Variants in SRPK2 observed in about 807,000 individuals in gnomAD.
SRPK2 encodes SRSF protein kinase 2.
Under a neutral mutation model 90.8 loss-of-function variants are expected in SRPK2, and 21 were observed. The observed-to-expected ratio is 0.23, with a 90% confidence interval of 0.16 to 0.33. The LOEUF (loss-of-function observed/expected upper bound fraction) is 0.33, where lower values mean the gene tolerates loss of function less well. Ranked by LOEUF, SRPK2 falls within the 10% of genes least tolerant of loss-of-function variation. The pLI is 1.00. For synonymous variants in SRPK2, 288 were observed against 311.1 expected, an observed-to-expected ratio of 0.93 and a Z score of 0.78; for missense variants, 620 against 869.0, an observed-to-expected ratio of 0.71 and a Z score of 3.60.
upstream of SRPK2, among the ~76,000 whole-genome samples, chr7:105,393,412 G>A (rs908575530): frequency 9.3e-5 from 14 of 150,574 alleles, no homozygotes; most frequent in South Asian, 2.1e-4. Context: ...GATTAAAGGC[G>A]TGCACCACCG....
At chr7:105,169,065 C>A in intron 4 of SRPK2, 92 bp downstream of exon 4, 2 of 1,109,918 alleles carry the variant, frequency 1.8e-6, no homozygotes, top group Non-Finnish European at 2.7e-6. Flanking sequence ...CATACCTCAA[C>A]AAAGCAGTGG....
At chr7:105,310,760 A>G (rs1811616538) in intron 2 of SRPK2, among the ~76,000 whole-genome samples, 1 of 152,144 alleles carries the variant, frequency 6.6e-6, no homozygotes, top group South Asian at 2.1e-4. Context: ...GAACTCTCCA[A>G]TGACATTCTT....
At chr7:105,214,600 G>A (rs1211427726) in intron 2 of SRPK2, among the ~76,000 whole-genome samples, 1 of 152,142 alleles carries the variant, frequency 6.6e-6, no homozygotes, top group Non-Finnish European at 1.5e-5. Flanking sequence ...GGATGAGGCA[G>A]AAGAAACAAT....
chr7:105,350,285 C>T (rs1033638472), intron 2 of SRPK2, among the ~76,000 whole-genome samples: 1 of 150,716 alleles, frequency 6.6e-6, no homozygotes, highest in Non-Finnish European at 1.5e-5. Flanking sequence ...GCACATGCCA[C>T]CAAGCCTGGC....
chr7:105,237,266 A>C (rs142025857), intron 2 of SRPK2, among the ~76,000 whole-genome samples: 1 of 152,342 alleles, frequency 6.6e-6, no homozygotes, highest in African/African-American at 2.4e-5. Context: ...CAGAATAGAA[A>C]ATCTAACCAT....
At chr7:105,207,528 T>C (rs993482067) in intron 2 of SRPK2, among the ~76,000 whole-genome samples, 7 of 152,208 alleles carry the variant, frequency 4.6e-5, no homozygotes, top group African/African-American at 1.7e-4. Flanking sequence ...GCAATGGCAG[T>C]GGAAATGACC....
At chr7:105,247,562 AG>A (rs1173045550) in intron 2 of SRPK2, among the ~76,000 whole-genome samples, 1 of 150,786 alleles carries the variant, frequency 6.6e-6, no homozygotes, top group African/African-American at 2.4e-5. Flanking sequence ...ACACACACAC[AG>A]AAGTTATACC....
At chr7:105,312,794 GATAT>G (rs1811864159) in intron 2 of SRPK2, among the ~76,000 whole-genome samples, 1 of 152,150 alleles carries the variant, frequency 6.6e-6, no homozygotes, top group South Asian at 2.1e-4. Context: ...ACAAACAGTT[GATAT>G]GGGAATATTT....
chr7:105,290,174 C>T (rs1245375883), intron 2 of SRPK2, among the ~76,000 whole-genome samples: 1 of 142,036 alleles, frequency 7.0e-6, no homozygotes, highest in Non-Finnish European at 1.5e-5. Flanking sequence ...AATTACCAAA[C>T]TAACACAGAG....
intron 3 of SRPK2, among the ~76,000 whole-genome samples, chr7:105,198,362 G>A (rs1242529039): frequency 6.6e-6 from 1 of 152,072 alleles, no homozygotes; most frequent in Non-Finnish European, 1.5e-5. Flanking sequence ...TCAAACTCAT[G>A]AAACAAGCAT....
At chr7:105,267,626 A>G (rs1307076036) in intron 2 of SRPK2, among the ~76,000 whole-genome samples, 1 of 152,200 alleles carries the variant, frequency 6.6e-6, no homozygotes, top group Non-Finnish European at 1.5e-5. Flanking sequence ...TTTATTTGTG[A>G]TGCCCTAAGT....
At chr7:105,348,957 C>G (rs1346336903) in intron 2 of SRPK2, among the ~76,000 whole-genome samples, 1 of 150,660 alleles carries the variant, frequency 6.6e-6, no homozygotes, top group Non-Finnish European at 1.5e-5. Flanking sequence ...ACCAGCCTGG[C>G]CAACATGGTG....
At chr7:105,306,607 T>C (rs894025828) in intron 2 of SRPK2, 4 of 413,588 alleles carry the variant, frequency 9.7e-6, no homozygotes. Context: ...AGAAAAAACA[T>C]GTTGGCTAAC....
chr7:105,266,220 C>G (rs185733238), intron 2 of SRPK2, among the ~76,000 whole-genome samples: 1 of 151,776 alleles, frequency 6.6e-6, no homozygotes, highest in East Asian at 1.9e-4. Flanking sequence ...GTGAAGGACT[C>G]TTAAGATTCT....
At chr7:105,166,405 G>C (rs1015708826) in intron 6 of SRPK2, among the ~76,000 whole-genome samples, 1 of 152,164 alleles carries the variant, frequency 6.6e-6, no homozygotes, top group African/African-American at 2.4e-5. Flanking sequence ...TGTCTTTGGT[G>C]AGTTTTAAGG....
chr7:105,229,229 C>T (rs1025200418), intron 2 of SRPK2, among the ~76,000 whole-genome samples: 1 of 152,106 alleles, frequency 6.6e-6, no homozygotes, highest in African/African-American at 2.4e-5. Context: ...TTTGGGAGGC[C>T]GTCGCGGGCA....
rs143778261 is a variant in SRPK2 at position 105,395,942 on chromosome 7, T to C, written n.153+3214A>G. The stretch of plus-strand genomic sequence containing the variant: ...ATTTATTTATTTTTTTGAGACACAG[T>C]TTCACTCTTGTTGCTCGGGCTGGAG... On this transcript the variant is annotated intron_variant and non_coding_transcript_variant, in intron 1 of 3. Coordinates refer to the SRPK2 transcript ENST00000462282. 2.2e-3 allele frequency among the ~76,000 whole-genome samples: 332 copies of C among 152,200 alleles called. 2 individuals carry two copies. Among genetic ancestry groups the C allele is most frequent in the African/African-American group, 7.7e-3 (319 of 41,548 alleles).
In SRPK2 at chr7:105,169,190, T is replaced by A; in HGVS notation, c.305A>T (p.His102Leu). Residue 102 changes from histidine to leucine, a missense_variant, in exon 4 of 16, where the codon CAC (histidine) becomes CTC (leucine). Physicochemically the swap from His to Leu is moderately conservative, Grantham distance 99. Transcript: ENST00000393651. ...YHVIRKLGWG[H>L]FSTVWLCWDM... is the part of the protein sequence containing the mutation. Reference sequence around the variant, plus strand: ...CCAGCACAGCCAGACAGTAGAGAAGTGCCCCCATCCAAGCTTTCTAATAAC... The same window carrying A: ...CCAGCACAGCCAGACAGTAGAGAAGAGCCCCCATCCAAGCTTTCTAATAAC... 1 of 1,613,356 alleles carries A rather than the reference T, an allele frequency of 6.2e-7. No homozygotes were observed. The highest frequency in any genetic ancestry group is 8.5e-7 in the Non-Finnish European group (1 of 1,179,884).
chr7:105,358,342 C>CT lies in SRPK2; in HGVS notation c.71+30305_71+30306insA, dbSNP rs1232255949. ...CATTTTGTATGTTATATGTATTATA[C>CT]ACAATATTCCTACAATAAAACAAGA... On this transcript the variant is annotated intron_variant, in intron 2 of 15. Transcript: ENST00000393651. Among the ~76,000 whole-genome samples the CT allele has an allele frequency of 4.3e-3, 641 of 150,788 alleles. 3 individuals are homozygous for CT. Among genetic ancestry groups the CT allele is most frequent in the African/African-American group, 0.015 (612 of 41,096 alleles).
Sources: gnomAD v4.1 joint callset for allele counts (sites outside exome capture counted in the v4.1 genomes callset) on GRCh38, gnomAD v4.1.1 for gene constraint, MANE v1.5 for transcripts, NCBI Gene and HGNC (gene_info 2026-07-23, HGNC 2026-07-21) for gene names.